AFAP1L2: variants seen among roughly 807,000 people sequenced by gnomAD.
AFAP1L2 encodes actin filament associated protein 1 like 2.
AFAP1L2 carries 46 observed loss-of-function variants against 99.3 expected under a neutral mutation model. The ratio of observed to expected loss-of-function variants is 0.46; its 90% CI spans 0.37 to 0.59. AFAP1L2 has a LOEUF of 0.59. AFAP1L2 is among the 20% of genes least tolerant of loss of function. The pLI, the probability that AFAP1L2 is intolerant of heterozygous loss-of-function variation, is 0.00. For synonymous variants in AFAP1L2, 397 were observed against 419.1 expected (o/e 0.95, Z 0.64); for missense variants, 959 against 1,034.9 (o/e 0.93, Z 1.01).
At chr10:114,343,858 C>T (rs1454289879) in intron 1 of AFAP1L2, among the ~76,000 whole-genome samples, 1 of 152,202 alleles carries the variant, frequency 6.6e-6, no homozygotes, top group Non-Finnish European at 1.5e-5. Context: ...GGGCCAAGAG[C>T]CGCACTGCCA....
chr10:114,352,794 C>T (rs1195043724), intron 1 of AFAP1L2, among the ~76,000 whole-genome samples: 4 of 152,236 alleles, frequency 2.6e-5, no homozygotes, highest in African/African-American at 9.6e-5. Context: ...CATCCTTCTG[C>T]CTGTCTGCCC....
chr10:114,307,658 CG>C, intron 10 of AFAP1L2, 146 bp downstream of exon 10: 1 of 657,302 alleles, frequency 1.5e-6, no homozygotes, highest in Non-Finnish European at 2.7e-6. Flanking sequence ...TAACAACAGA[CG>C]GGAACCTGAG....
chr10:114,366,951 A>G (rs1411267517), intron 1 of AFAP1L2, among the ~76,000 whole-genome samples: 1 of 152,058 alleles, frequency 6.6e-6, no homozygotes, highest in Non-Finnish European at 1.5e-5. Context: ...TGGGTGACAG[A>G]GTGAGACTCC....
chr10:114,319,656 T>A (rs1214949465), intron 5 of AFAP1L2: 2 of 1,288,242 alleles, frequency 1.6e-6, no homozygotes, highest in Non-Finnish European at 2.0e-6. Flanking sequence ...CTGCATAACA[T>A]CCAGGAGCAC....
At chr10:114,292,709 T>A (rs990604166), downstream of AFAP1L2, among the ~76,000 whole-genome samples, 2 of 151,742 alleles carry the variant, frequency 1.3e-5, no homozygotes, top group African/African-American at 4.8e-5. Context: ...CACTTTATCG[T>A]TTTTCTTTTT....
At chr10:114,334,062 C>T (rs2047590482) in intron 2 of AFAP1L2, among the ~76,000 whole-genome samples, 1 of 152,142 alleles carries the variant, frequency 6.6e-6, no homozygotes, top group African/African-American at 2.4e-5. Flanking sequence ...GAACGGGGAC[C>T]TGAATAGCCA....
At chr10:114,285,281 C>T in the AFAP1L2 span, among the ~76,000 whole-genome samples, 1 of 152,198 alleles carries the variant, frequency 6.6e-6, no homozygotes, top group African/African-American at 2.4e-5. Flanking sequence ...GGCTCCCAGT[C>T]CTGGGCAGAG....
intron 4 of AFAP1L2, among the ~76,000 whole-genome samples, chr10:114,326,509 G>A (rs2046317110): frequency 6.6e-6 from 1 of 152,170 alleles, no homozygotes; most frequent in African/African-American, 2.4e-5. Context: ...ATGGATTCAG[G>A]GTAACTTGAA....
At chr10:114,395,726 G>C (rs951319221) in intron 1 of AFAP1L2, among the ~76,000 whole-genome samples, 4 of 152,182 alleles carry the variant, frequency 2.6e-5, no homozygotes, top group African/African-American at 9.7e-5. Context: ...AGTGTGCCCA[G>C]GCAGCCCAGG....
At chr10:114,385,347 C>G (rs2056360254) in intron 1 of AFAP1L2, among the ~76,000 whole-genome samples, 1 of 152,180 alleles carries the variant, frequency 6.6e-6, no homozygotes, top group African/African-American at 2.4e-5. Context: ...CTTCCCCATC[C>G]TAAAGGAATG....
chr10:114,303,675 T>C (rs1231013099), intron 11 of AFAP1L2, among the ~76,000 whole-genome samples: 2 of 152,214 alleles, frequency 1.3e-5, no homozygotes, highest in Admixed American at 6.5e-5. Flanking sequence ...GCTGCGTCTC[T>C]GCCCTGGACA....
chr10:114,385,625 T>A (rs1325750773), intron 1 of AFAP1L2, among the ~76,000 whole-genome samples: 1 of 152,050 alleles, frequency 6.6e-6, no homozygotes, highest in Non-Finnish European at 1.5e-5. Context: ...ATAATGACAA[T>A]TACCCCTGGA....
intron 8 of AFAP1L2, among the ~76,000 whole-genome samples, chr10:114,308,757 C>T (rs945419294): frequency 1.3e-5 from 2 of 152,222 alleles, no homozygotes; most frequent in Non-Finnish European, 2.9e-5. Context: ...GGCAAGCAGG[C>T]TGCTCAGGGG....
chr10:114,361,023 C>T (rs2052325845), intron 1 of AFAP1L2, among the ~76,000 whole-genome samples: 1 of 152,132 alleles, frequency 6.6e-6, no homozygotes, highest in Non-Finnish European at 1.5e-5. Flanking sequence ...GGGGAAGCCT[C>T]ACAATCATGG....
chr10:114,285,857 G>C, the AFAP1L2 span: 1 of 1,388,618 alleles, frequency 7.2e-7, no homozygotes, highest in South Asian at 1.5e-5. Context: ...TCCCTCCTGG[G>C]AGATGTTCGG....
At chr10:114,313,008 T>C (rs754482614) in intron 7 of AFAP1L2, among the ~76,000 whole-genome samples, 47 of 152,262 alleles carry the variant, frequency 3.1e-4, no homozygotes, top group Non-Finnish European at 4.7e-4. Flanking sequence ...CCAGATCTGT[T>C]TCTGACAGGC....
intron 6 of AFAP1L2, 40 bp downstream of exon 6, chr10:114,315,520 G>A (rs201063052): frequency 6.5e-7 from 1 of 1,540,936 alleles, no homozygotes; most frequent in Non-Finnish European, 8.9e-7. Flanking sequence ...CTTCCCCAAG[G>A]AGAGGAGTCG....
chr10:114,371,860 T>TG (rs371015084), intron 1 of AFAP1L2, among the ~76,000 whole-genome samples: 4,247 of 58,482 alleles, frequency 0.073, 227 homozygotes, highest in African/African-American at 0.23. Context: ...AAGATTTTTT[T>TG]GGGGGGGTGG....
At chr10:114,404,849 T>A, upstream of AFAP1L2, 1 of 199,018 alleles carries the variant, frequency 5.0e-6, no homozygotes. Context: ...CGGGCTTGGG[T>A]GGGCCTCCAA....
Sources: allele counts gnomAD v4.1 joint callset (sites outside exome capture counted in the v4.1 genomes callset), GRCh38; gene constraint gnomAD v4.1.1; transcripts MANE v1.5; gene names NCBI Gene and HGNC (gene_info 2026-07-23, HGNC 2026-07-21).